INTS15: variants seen among roughly 807,000 people sequenced by gnomAD.
INTS15 encodes integrator complex subunit 15.
At chr7:6,603,253 TAAAAAA>T in the INTS15 span, among the ~76,000 whole-genome samples, 1 of 139,872 alleles carries the variant, frequency 7.1e-6, no homozygotes, top group East Asian at 2.2e-4. Flanking sequence ...CTGTCAAAAA[TAAAAAA>T]TAAAAAGGCC....
the INTS15 span, chr7:6,599,756 C>T: frequency 1.4e-6 from 2 of 1,474,070 alleles, no homozygotes; most frequent in East Asian, 2.3e-5. Context: ...TGGGGTCAGG[C>T]TTCCCTCTCT....
At chr7:6,597,830 T>C in the INTS15 span, among the ~76,000 whole-genome samples, 1 of 152,212 alleles carries the variant, frequency 6.6e-6, no homozygotes. Flanking sequence ...GAATGGTGAC[T>C]GAAACCGCTG....
At chr7:6,600,523 C>T in the INTS15 span, among the ~76,000 whole-genome samples, 12 of 152,298 alleles carry the variant, frequency 7.9e-5, no homozygotes, top group African/African-American at 2.9e-4. Flanking sequence ...GCATTCCACC[C>T]TCCCTGCTCA....
the INTS15 span, chr7:6,602,327 C>A: frequency 1.8e-6 from 1 of 554,964 alleles, no homozygotes; most frequent in East Asian, 3.1e-5. Context: ...AAATGGTCAT[C>A]TTGCTGGTAG....
At chr7:6,596,605 C>T in the INTS15 span, among the ~76,000 whole-genome samples, 2 of 151,576 alleles carry the variant, frequency 1.3e-5, no homozygotes, top group African/African-American at 4.9e-5. Flanking sequence ...TCTTGAACTC[C>T]TGACCTCAGA....
At chr7:6,608,377 G>C in the INTS15 span, 1 of 1,409,578 alleles carries the variant, frequency 7.1e-7, no homozygotes, top group Non-Finnish European at 9.2e-7. Context: ...AGCCTCTGCC[G>C]AGAGCCTGCT....
At chr7:6,606,254 C>T in the INTS15 span, among the ~76,000 whole-genome samples, 1 of 152,174 alleles carries the variant, frequency 6.6e-6, no homozygotes, top group Non-Finnish European at 1.5e-5. Flanking sequence ...CCGAATGCAC[C>T]AGCCCTCCAC....
At chr7:6,591,369 C>A in the INTS15 span, among the ~76,000 whole-genome samples, 1 of 150,890 alleles carries the variant, frequency 6.6e-6, no homozygotes, top group African/African-American at 2.4e-5. Context: ...CAGGTTCAAG[C>A]GAGATTCCTG....
chr7:6,592,683 A>G, the INTS15 span, among the ~76,000 whole-genome samples: 1 of 149,532 alleles, frequency 6.7e-6, no homozygotes, highest in South Asian at 2.1e-4. Context: ...ATCTTAGCTC[A>G]CTACAGCCTT....
the INTS15 span, among the ~76,000 whole-genome samples, chr7:6,594,951 C>T: frequency 6.6e-6 from 1 of 152,058 alleles, no homozygotes; most frequent in Non-Finnish European, 1.5e-5. Flanking sequence ...CGATCTCAAA[C>T]CCCTGATCTC....
the INTS15 span, chr7:6,607,524 T>C: frequency 7.6e-7 from 1 of 1,309,820 alleles, no homozygotes; most frequent in Non-Finnish European, 1.0e-6. The surrounding 1 kb of genome is among the most constrained non-coding windows in gnomAD (Gnocchi z 6.0). Flanking sequence ...ACCGGACTCA[T>C]TCTGAATTTC....
At chr7:6,590,324 T>C in the INTS15 span, 1 of 1,593,318 alleles carries the variant, frequency 6.3e-7, no homozygotes, top group Non-Finnish European at 8.5e-7. Context: ...CGCGATGCGC[T>C]GAGCGCCGCC....
At chr7:6,603,489 G>T in the INTS15 span, among the ~76,000 whole-genome samples, 2 of 152,056 alleles carry the variant, frequency 1.3e-5, no homozygotes, top group African/African-American at 4.8e-5. Context: ...GGAGTTTGCA[G>T]TGAGCTGAGG....
chr7:6,600,408 C>T, the INTS15 span: 8 of 1,531,856 alleles, frequency 5.2e-6, no homozygotes, highest in Non-Finnish European at 7.0e-6. Flanking sequence ...CGCCGCCCTG[C>T]AGAAGGAAGG....
the INTS15 span, among the ~76,000 whole-genome samples, chr7:6,599,500 G>C: frequency 6.6e-6 from 1 of 152,196 alleles, no homozygotes; most frequent in Non-Finnish European, 1.5e-5. Flanking sequence ...TAGAAAAACC[G>C]TGGAATTTTA....
the INTS15 span, chr7:6,607,775 T>C: frequency 6.7e-7 from 1 of 1,482,774 alleles, no homozygotes; most frequent in South Asian, 1.3e-5. This position sits in a 1 kb window ranked among gnomAD's most constrained non-coding sequence, Gnocchi z 6.0. Flanking sequence ...CTCCCACGCA[T>C]CCTCGCCTGT....
the INTS15 span, chr7:6,608,207 C>T: frequency 7.2e-6 from 11 of 1,533,408 alleles, no homozygotes; most frequent in Non-Finnish European, 9.6e-6. Context: ...CGAAGCCTTT[C>T]GAGATGGAAG....
chr7:6,593,329 G>GTTTTTT, the INTS15 span, among the ~76,000 whole-genome samples: 2 of 130,836 alleles, frequency 1.5e-5, no homozygotes, highest in Non-Finnish European at 3.2e-5. Context: ...CTGTGCGGTG[G>GTTTTTT]TTTTTTTTTT....
the INTS15 span, chr7:6,590,231 G>A: frequency 6.4e-6 from 9 of 1,411,402 alleles, no homozygotes; most frequent in Non-Finnish European, 9.2e-7. Context: ...CGCAGTCCCG[G>A]GCCCCGGGCG....
Sources: allele counts gnomAD v4.1 joint callset (sites outside exome capture counted in the v4.1 genomes callset), GRCh38; gene constraint gnomAD v4.1.1; non-coding constraint Gnocchi (gnomAD v3.1); transcripts MANE v1.5; gene names NCBI Gene and HGNC (gene_info 2026-07-23, HGNC 2026-07-21).